DNAJB12: variants seen among roughly 807,000 people sequenced by gnomAD.
DNAJB12 encodes DnaJ heat shock protein family (Hsp40) member B12.
Under a neutral mutation model 40.6 loss-of-function variants are expected in DNAJB12, and 14 were observed. The observed-to-expected ratio is 0.34, with a 90% CI of 0.23 to 0.54. The LOEUF (loss-of-function observed/expected upper bound fraction) is 0.54. Among genes scored for constraint, DNAJB12 ranks in the 20% least tolerant of loss-of-function variants. The pLI, the probability that DNAJB12 is intolerant of heterozygous loss-of-function variation, is 0.92. For synonymous variants in DNAJB12, 181 were observed against 199.5 expected (o/e 0.91, Z 0.78); for missense variants, 444 against 501.7 (o/e 0.89, Z 1.10).
Position 72,348,959 on chromosome 10 carries a change from G to A in DNAJB12, c.134-3832C>T, listed in dbSNP as rs544282859. Among the ~76,000 whole-genome samples the A allele has an allele frequency of 2.6e-5, 4 of 152,348 alleles. No individual in the cohort carries two copies. In the South Asian group the frequency reaches 8.3e-4, roughly 32 times the overall value. ...GCCATGACCACACAGCTGGTTAGGA[G>A]GCAGAGGGGCCTTCGAACCCCAGGA... On this transcript the variant is annotated intron_variant, in intron 1 of 8. Transcript: ENST00000444643.
intron 3 of DNAJB12, among the ~76,000 whole-genome samples, chr10:72,343,044 G>A (rs768256017): frequency 1.4e-4 from 22 of 152,338 alleles, no homozygotes; most frequent in Middle Eastern, 3.4e-3. Flanking sequence ...ACAGGGAAGC[G>A]CACACGGTGA....
chr10:72,348,835 A>G (rs1861864282), intron 1 of DNAJB12, among the ~76,000 whole-genome samples: 1 of 152,200 alleles, frequency 6.6e-6, no homozygotes, highest in African/African-American at 2.4e-5. Context: ...TTTCACAGTG[A>G]TCTGCATTAG....
rs1862026921 is a variant in DNAJB12, at chr10:72,354,753, C to T, written c.133+12G>A. ...TCTAATGTCCCCAGTCTCTCCGGCA[C>T]CTCACACTCACCGCGAACTCGCGGC... On this transcript the variant is annotated intron_variant, in intron 1 of 8. Coordinates refer to ENST00000444643, the MANE Select transcript of DNAJB12 (RefSeq NM_017626.7). 6.2e-7 allele frequency: 1 copy of T among 1,608,074 alleles called. No homozygotes were observed. The highest frequency in any genetic ancestry group is 8.5e-7 in the Non-Finnish European group (1 of 1,177,264).
At chr10:72,348,609 C>G (rs1861858483) in intron 1 of DNAJB12, among the ~76,000 whole-genome samples, 1 of 152,222 alleles carries the variant, frequency 6.6e-6, no homozygotes, top group Admixed American at 6.5e-5. Flanking sequence ...GTATGGGGCT[C>G]CAGTGGAGCA....
At chr10:72,337,893 T>C (rs1011370178) in intron 6 of DNAJB12, among the ~76,000 whole-genome samples, 1 of 152,068 alleles carries the variant, frequency 6.6e-6, no homozygotes, top group African/African-American at 2.4e-5. Context: ...TGTGCATGTG[T>C]ATTATGTGTG....
intron 6 of DNAJB12, among the ~76,000 whole-genome samples, chr10:72,337,394 G>T (rs1861507346): frequency 6.6e-6 from 1 of 152,202 alleles, no homozygotes. Context: ...TTTTGGGAGA[G>T]GGGGACCCAC....
intron 1 of DNAJB12, among the ~76,000 whole-genome samples, chr10:72,352,534 T>C (rs1352786562): frequency 6.6e-6 from 1 of 152,172 alleles, no homozygotes; most frequent in Non-Finnish European, 1.5e-5. Flanking sequence ...AATTTAATGT[T>C]CAGGAGATTG....
intron 1 of DNAJB12, among the ~76,000 whole-genome samples, chr10:72,353,060 T>C (rs1464493437): frequency 6.6e-6 from 1 of 152,210 alleles, no homozygotes; most frequent in Non-Finnish European, 1.5e-5. Flanking sequence ...TCATAGTCTT[T>C]CCAGAAAAGC....
chr10:72,335,844 C>T lies in DNAJB12; in HGVS notation c.1094G>A (p.Arg365Gln), dbSNP rs201066806. The change falls in exon 8 of 9, where the codon CGA (arginine) becomes CAA (glutamine). Residue 365 changes from arginine (R) to glutamine (Q), a missense_variant. By Grantham distance (43) the Arg-to-Gln change is conservative. Transcript: ENST00000444643. This position sits in a 1 kb window ranked among gnomAD's most constrained non-coding sequence, Gnocchi z 4.4. Reference sequence around the variant, plus strand: ...CAGGGAGGCCTGCACCTCTGACAGTCGGCTGCAGCTGGGGGTGCCCATCTT... The same window carrying T: ...CAGGGAGGCCTGCACCTCTGACAGTTGGCTGCAGCTGGGGGTGCCCATCTT... ...AQKMGTPSCS[R>Q]LSEVQASLHG 50 of 1,614,180 alleles carry T rather than the reference C, an allele frequency of 3.1e-5. No homozygotes were observed. In the Admixed American group the frequency reaches 4.3e-4, roughly 14 times the overall value.
intron 1 of DNAJB12, among the ~76,000 whole-genome samples, chr10:72,348,415 T>C (rs1233735405): frequency 6.6e-6 from 1 of 152,234 alleles, no homozygotes; most frequent in East Asian, 1.9e-4. Flanking sequence ...AACAGGCATC[T>C]GGATCACTGC....
intron 1 of DNAJB12, among the ~76,000 whole-genome samples, chr10:72,351,371 G>T (rs1341291066): frequency 6.6e-6 from 1 of 152,054 alleles, no homozygotes; most frequent in Non-Finnish European, 1.5e-5. Flanking sequence ...CCTTTTTGCT[G>T]CAAAGGCCAA....
At chr10:72,341,737 G>A (rs1861645163) in intron 3 of DNAJB12, among the ~76,000 whole-genome samples, 1 of 152,162 alleles carries the variant, frequency 6.6e-6, no homozygotes, top group African/African-American at 2.4e-5. Flanking sequence ...CTCCCAAAGT[G>A]CTGGGATTAT....
intron 3 of DNAJB12, among the ~76,000 whole-genome samples, chr10:72,342,146 C>G (rs1861656341): frequency 6.6e-6 from 1 of 152,202 alleles, no homozygotes; most frequent in African/African-American, 2.4e-5. Flanking sequence ...TCTGGTGATG[C>G]AGCTGGGGTG....
chr10:72,335,544 A>G lies in DNAJB12; in HGVS notation c.*30+236T>C. The G allele has an allele frequency of 5.5e-6, 7 of 1,275,304 alleles. No homozygotes were observed. The highest frequency in any genetic ancestry group is 1.8e-5 in the South Asian group (1 of 54,948). 79.0% of individuals were successfully genotyped at this position (1,275,304 alleles called of 1,614,324 possible). ...GTTCTGGGGTCCCCCACACCCCTGG[A>G]GCCAGGGAGCAGAGCGGAGGAGTGG... On this transcript the variant is annotated intron_variant, in intron 8 of 8. Coordinates refer to ENST00000444643, the MANE Select transcript of DNAJB12 (RefSeq NM_017626.7). The surrounding 1 kb of genome is among the most constrained non-coding windows in gnomAD (Gnocchi z 4.4).
intron 1 of DNAJB12, among the ~76,000 whole-genome samples, chr10:72,347,861 C>T (rs760244615): frequency 4.0e-5 from 6 of 149,454 alleles, no homozygotes; most frequent in South Asian, 2.1e-4. Context: ...TGCAATGAGC[C>T]GAAATCATGC....
rs1472330345 is a variant in DNAJB12, at chr10:72,336,775, G to A, written c.834-79C>T. Reference sequence around the variant, plus strand: ...TCTAGGGGTATGGGCCCCAAGACAGGAGGTGCCGCACAGACCAGAGGAGTA... The same window carrying A: ...TCTAGGGGTATGGGCCCCAAGACAGAAGGTGCCGCACAGACCAGAGGAGTA... On this transcript the variant is annotated intron_variant, in intron 6 of 8. Transcript: ENST00000444643. 2.3e-6 allele frequency: 3 copies of A among 1,290,056 alleles called. No homozygotes were observed. In the East Asian group the frequency reaches 6.9e-5, roughly 30 times the overall value. 79.9% of individuals were successfully genotyped at this position (1,290,056 alleles called of 1,614,324 possible).
At position 72,345,137 on chromosome 10, in the gene DNAJB12, G is replaced by A. The variant is rs769411479; in HGVS notation, c.134-10C>T. On this transcript the variant is annotated splice_polypyrimidine_tract_variant and intron_variant, in intron 1 of 8. Coordinates refer to ENST00000444643, the MANE Select transcript of DNAJB12 (RefSeq NM_017626.7). The stretch of plus-strand genomic sequence containing the variant: ...AGGGACTCAATCAGGGCTGTGCAAG[G>A]CAAGGAAACCATTCAGAGCTCCTGC... The A allele has an allele frequency of 1.3e-6, 2 of 1,593,764 alleles. No individual in the cohort carries two copies. Among genetic ancestry groups the A allele is most frequent in the Non-Finnish European group, 1.7e-6 (2 of 1,169,098 alleles).
At chr10:72,354,644 G>A (rs1862018555) in intron 1 of DNAJB12, 121 bp downstream of exon 1, 2 of 952,286 alleles carry the variant, frequency 2.1e-6, no homozygotes, top group African/African-American at 1.7e-5. Flanking sequence ...GCGCGCCTCA[G>A]TGCGCAGGCG....
chr10:72,348,272 G>T (rs1861848602), intron 1 of DNAJB12, among the ~76,000 whole-genome samples: 1 of 152,192 alleles, frequency 6.6e-6, no homozygotes, highest in Non-Finnish European at 1.5e-5. Flanking sequence ...CAGATTAAAT[G>T]AGGAAGGGCC....
Sources: allele counts gnomAD v4.1 joint callset (sites outside exome capture counted in the v4.1 genomes callset), GRCh38; gene constraint gnomAD v4.1.1; non-coding constraint Gnocchi (gnomAD v3.1); transcripts MANE v1.5; gene names NCBI Gene and HGNC (gene_info 2026-07-23, HGNC 2026-07-21).